Variants in ANXA8 observed in about 807,000 individuals in gnomAD.
ANXA8 encodes the protein annexin A8.
Under a neutral mutation model 26.8 loss-of-function variants are expected in ANXA8, and 9 were observed. That is an observed-to-expected ratio of 0.34 (90% CI 0.20 to 0.59). The LOEUF (loss-of-function observed/expected upper bound fraction) is 0.59, where lower values mean the gene tolerates loss of function less well. Ranked by LOEUF, ANXA8 falls within the 20% of genes least tolerant of loss-of-function variation. ANXA8 has a pLI of 0.84. For missense variants in ANXA8, 83 were observed against 238.5 expected, an observed-to-expected ratio of 0.35 and a Z score of 4.29; for synonymous variants, 39 against 94.8, an observed-to-expected ratio of 0.41 and a Z score of 3.42.
chr10:47,967,653 G>A, the ANXA8 span, among the ~76,000 whole-genome samples: 1 of 81,674 alleles, frequency 1.2e-5, no homozygotes, highest in Non-Finnish European at 2.6e-5. Context: ...GTGGGATACA[G>A]GCATGCTCCC....
the ANXA8 span, among the ~76,000 whole-genome samples, chr10:47,653,218 A>G: frequency 6.7e-6 from 1 of 150,300 alleles, no homozygotes; most frequent in Non-Finnish European, 1.5e-5. Flanking sequence ...AGATTGAGGC[A>G]GGAGAATCAC....
upstream of ANXA8, among the ~76,000 whole-genome samples, chr10:47,485,789 C>T (rs1263711406): frequency 2.6e-5 from 4 of 151,924 alleles, no homozygotes; most frequent in African/African-American, 9.7e-5. Context: ...CCACTATCAA[C>T]ACTTAGGCCT....
chr10:47,565,287 G>C, the ANXA8 span: 2 of 520,570 alleles, frequency 3.8e-6, no homozygotes, highest in Non-Finnish European at 6.6e-6. Context: ...GCTGCCACCA[G>C]GAGTGCAGCT....
the ANXA8 span, chr10:47,973,356 G>GT: frequency 6.9e-6 from 1 of 144,898 alleles, no homozygotes; most frequent in South Asian, 2.3e-4. Context: ...GGCCCCATTT[G>GT]TAAGCAGTCA....
chr10:47,501,734 G>A, the ANXA8 span: 9 of 366,676 alleles, frequency 2.5e-5, 1 homozygote, highest in Non-Finnish European at 2.8e-5. Context: ...AAATAAAAAT[G>A]AAAAAGAGGT....
chr10:47,622,972 C>G, the ANXA8 span, among the ~76,000 whole-genome samples: 1 of 113,108 alleles, frequency 8.8e-6, no homozygotes, highest in African/African-American at 3.4e-5. Context: ...ATTCTCACCC[C>G]AGCATTCTGC....
chr10:47,499,332 T>C, the ANXA8 span, among the ~76,000 whole-genome samples: 35 of 138,624 alleles, frequency 2.5e-4, no homozygotes, highest in African/African-American at 1.0e-3. Context: ...TCCTGCTACC[T>C]GTAATGTCAG....
At chr10:47,682,713 G>T in the ANXA8 span, among the ~76,000 whole-genome samples, 2 of 151,854 alleles carry the variant, frequency 1.3e-5, no homozygotes, top group Admixed American at 1.3e-4. Context: ...CTCATGACCT[G>T]CCCACTTCGG....
chr10:47,960,817 G>A, the ANXA8 span, among the ~76,000 whole-genome samples: 12 of 137,316 alleles, frequency 8.7e-5, no homozygotes, highest in Non-Finnish European at 1.2e-4. Context: ...CATGGTGGAA[G>A]CTTCTCTGGG....
At chr10:47,582,016 T>C in the ANXA8 span, among the ~76,000 whole-genome samples, 5 of 148,948 alleles carry the variant, frequency 3.4e-5, no homozygotes, top group Admixed American at 6.7e-5. Flanking sequence ...AGGAGATGTT[T>C]TCCAAGCTGA....
At chr10:47,527,798 A>C in the ANXA8 span, among the ~76,000 whole-genome samples, 2 of 144,596 alleles carry the variant, frequency 1.4e-5, no homozygotes, top group Non-Finnish European at 3.0e-5. Flanking sequence ...GATATGTGGT[A>C]AAGGAAGACT....
the ANXA8 span, among the ~76,000 whole-genome samples, chr10:47,664,179 C>T: frequency 6.6e-6 from 1 of 151,642 alleles, no homozygotes; most frequent in African/African-American, 2.4e-5. Flanking sequence ...AGTTGGAGAC[C>T]AGCCTGGCCA....
chr10:47,655,161 TA>T, the ANXA8 span, among the ~76,000 whole-genome samples: 1 of 81,400 alleles, frequency 1.2e-5, no homozygotes, highest in African/African-American at 5.3e-5. Context: ...ATCAACACTT[TA>T]TTTTTTTCAG....
the ANXA8 span, among the ~76,000 whole-genome samples, chr10:47,639,397 T>C: frequency 0.19 from 24,630 of 130,770 alleles, 8 homozygotes; most frequent in East Asian, 0.38. Context: ...ACTGCAAGCT[T>C]CGCCTCCCGG....
the ANXA8 span, among the ~76,000 whole-genome samples, chr10:47,980,851 G>T: frequency 6.6e-6 from 1 of 150,934 alleles, no homozygotes; most frequent in East Asian, 1.9e-4. Context: ...GCACAAAAAA[G>T]CTCAGTACCA....
At chr10:47,733,213 CTTT>C in the ANXA8 span, among the ~76,000 whole-genome samples, 28 of 68,424 alleles carry the variant, frequency 4.1e-4, no homozygotes, top group African/African-American at 1.4e-3. Flanking sequence ...TTCTTTCTTT[CTTT>C]CTTTCTCTTT....
chr10:47,733,235 CTTTCTTTCTT>C, the ANXA8 span, among the ~76,000 whole-genome samples: 5 of 47,104 alleles, frequency 1.1e-4, no homozygotes, highest in Admixed American at 2.3e-4. Flanking sequence ...TTCTTTCTCT[CTTTCTTTCTT>C]TCTTTCTTTC....
chr10:47,683,598 A>G, the ANXA8 span, among the ~76,000 whole-genome samples: 2 of 151,974 alleles, frequency 1.3e-5, no homozygotes, highest in African/African-American at 4.8e-5. Flanking sequence ...ATTTGGTTCA[A>G]TCAGGTCAAA....
chr10:47,743,369 T>TATATATATATAC, the ANXA8 span, among the ~76,000 whole-genome samples: 1 of 38,944 alleles, frequency 2.6e-5, no homozygotes, highest in African/African-American at 6.9e-5. Flanking sequence ...TATATATATA[T>TATATATATATAC]ACATATATAT....
Sources: gnomAD v4.1 joint callset for allele counts (sites outside exome capture counted in the v4.1 genomes callset) on GRCh38, gnomAD v4.1.1 for gene constraint, MANE v1.5 for transcripts, NCBI Gene and HGNC (gene_info 2026-07-23, HGNC 2026-07-21) for gene names.